LRP1B: variants seen among roughly 807,000 people sequenced by gnomAD.
LRP1B encodes the protein low-density lipoprotein receptor-related protein 1B.
A neutral mutation model predicts 556.6 loss-of-function variants in LRP1B; 217 were observed. The observed-to-expected ratio is 0.39, with a 90% CI of 0.35 to 0.44. LRP1B has a LOEUF of 0.44. Among genes scored for constraint, LRP1B ranks in the 20% least tolerant of loss-of-function variants. LRP1B has a pLI of 1.00. For synonymous variants in LRP1B, 2,047 were observed against 1,865.8 expected (o/e 1.10, Z -2.50); for missense variants, 5,053 against 5,620.8 (o/e 0.90, Z 3.23).
chr2:141,535,199 C>A (rs978272720), intron 2 of LRP1B, among the ~76,000 whole-genome samples: 25 of 152,228 alleles, frequency 1.6e-4, no homozygotes, highest in African/African-American at 6.0e-4. Flanking sequence ...CTGAGCAGAC[C>A]TCTCTGTGAC....
Position 140,779,757 on chromosome 2 carries a change from T to A in LRP1B, c.5360-3519A>T, listed in dbSNP as rs767029489. Among the ~76,000 whole-genome samples, 399 of 112,104 alleles carry A rather than the reference T, an allele frequency of 3.6e-3. 9 individuals are homozygous for A. The highest frequency in any genetic ancestry group is 0.027 in the Admixed American group (312 of 11,666). The allele number at this position is 112,104 out of a possible 152,430, so 73.5% of individuals were successfully genotyped here. A position where few individuals can be genotyped will look rare whatever the true frequency, so the allele number is the denominator to read the frequency against. On this transcript the variant is annotated intron_variant, in intron 32 of 90. Transcript: ENST00000389484. ...GTGTGTCTGTCTCTCTGTGAGAGAG[T>A]GTGTGTGTGTGTGTGTGTGTGTGTG...
intron 1 of LRP1B, among the ~76,000 whole-genome samples, chr2:141,992,166 C>G (rs2381200): frequency 0.22 from 33,102 of 151,882 alleles, 4,246 homozygotes; most frequent in East Asian, 0.32. Flanking sequence ...TCATTTATTC[C>G]CCAAATATTT....
intron 20 of LRP1B, among the ~76,000 whole-genome samples, chr2:140,945,434 C>T (rs1309850646): frequency 6.6e-6 from 1 of 152,062 alleles, no homozygotes; most frequent in African/African-American, 2.4e-5. Flanking sequence ...TAGCTAGAGG[C>T]ATCAGATTAT....
chr2:140,594,935 A>G (rs1030205051), intron 43 of LRP1B, among the ~76,000 whole-genome samples: 2 of 151,710 alleles, frequency 1.3e-5, no homozygotes, highest in East Asian at 1.9e-4. Flanking sequence ...CTTCGTAACT[A>G]TACTTTCTAT....
intron 2 of LRP1B, among the ~76,000 whole-genome samples, chr2:141,624,454 T>C (rs1231094865): frequency 1.3e-5 from 2 of 152,196 alleles, no homozygotes; most frequent in African/African-American, 4.8e-5. Context: ...TTATCTTTGT[T>C]TGGAATAGCT....
At chr2:140,245,408 A>G (rs952732190) in intron 87 of LRP1B, among the ~76,000 whole-genome samples, 2 of 151,462 alleles carry the variant, frequency 1.3e-5, no homozygotes, top group Admixed American at 1.3e-4. Context: ...TCCAAATTTC[A>G]TACACAGTCT....
chr2:141,654,982 T>C (rs1267522080), intron 2 of LRP1B, among the ~76,000 whole-genome samples: 1 of 152,026 alleles, frequency 6.6e-6, no homozygotes. Context: ...CTCTGTAGTT[T>C]TTGCAATTTA....
At chr2:141,697,290 C>T (rs1232419199) in intron 2 of LRP1B, among the ~76,000 whole-genome samples, 1 of 151,860 alleles carries the variant, frequency 6.6e-6, no homozygotes, top group South Asian at 2.1e-4. Context: ...ACTAGCTGGA[C>T]TATTAGCTAA....
intron 3 of LRP1B, among the ~76,000 whole-genome samples, chr2:141,255,533 T>G (rs2105342301): frequency 1.3e-5 from 2 of 152,218 alleles, no homozygotes; most frequent in Middle Eastern, 6.8e-3. Flanking sequence ...CATTCCAAAC[T>G]GAACATTGGG....
At chr2:140,576,416 T>A (rs1468976749) in intron 43 of LRP1B, among the ~76,000 whole-genome samples, 1 of 152,206 alleles carries the variant, frequency 6.6e-6, no homozygotes, top group Non-Finnish European at 1.5e-5. Context: ...AACTTAAAAA[T>A]GTTATCAGAA....
chr2:141,669,855 A>G (rs2105410481), intron 2 of LRP1B, among the ~76,000 whole-genome samples: 1 of 152,128 alleles, frequency 6.6e-6, no homozygotes, highest in East Asian at 1.9e-4. Flanking sequence ...CCCAGACTCA[A>G]GCGATTCTCT....
At chr2:140,640,383 CTTTTTTTTTTTTTT>C (rs70988414) in intron 41 of LRP1B, among the ~76,000 whole-genome samples, 4 of 48,464 alleles carry the variant, frequency 8.3e-5, no homozygotes, top group South Asian at 1.1e-3. Flanking sequence ...GTCCTGTTTT[CTTTTTTTTTTTTTT>C]TTTTTTTTTT....
At chr2:141,100,855 T>C (rs6746542) in intron 7 of LRP1B, among the ~76,000 whole-genome samples, 41,802 of 151,814 alleles carry the variant, frequency 0.28, 6,261 homozygotes, top group East Asian at 0.65. Context: ...AAGGCTTCCA[T>C]GATATAGTAT....
chr2:141,724,989 A>G (rs886689262), intron 2 of LRP1B, among the ~76,000 whole-genome samples: 1 of 151,942 alleles, frequency 6.6e-6, no homozygotes, highest in Admixed American at 6.6e-5. Flanking sequence ...GCCCTTCCCA[A>G]TCCCGCCTTT....
intron 11 of LRP1B, among the ~76,000 whole-genome samples, chr2:141,024,218 C>T (rs1364792485): frequency 1.3e-5 from 2 of 151,936 alleles, no homozygotes; most frequent in Admixed American, 6.6e-5. Flanking sequence ...GGTCTCTGGT[C>T]ACAGACTAAA....
intron 84 of LRP1B, among the ~76,000 whole-genome samples, chr2:140,275,821 C>G (rs1455073822): frequency 2.6e-5 from 4 of 151,918 alleles, no homozygotes; most frequent in Non-Finnish European, 5.9e-5. Flanking sequence ...ATTTTCTCAA[C>G]TAGGAAGGAA....
At chr2:142,084,305 C>T (rs1355769248) in intron 1 of LRP1B, among the ~76,000 whole-genome samples, 1 of 152,146 alleles carries the variant, frequency 6.6e-6, no homozygotes, top group African/African-American at 2.4e-5. Context: ...TCATGATTCA[C>T]GCTGCCCTGT....
chr2:141,942,393 A>ACTGC (rs57651796), intron 1 of LRP1B, among the ~76,000 whole-genome samples: 2 of 151,564 alleles, frequency 1.3e-5, no homozygotes, highest in Non-Finnish European at 3.0e-5. Flanking sequence ...TCTCTTCAAA[A>ACTGC]CTGGTTCTTG....
intron 1 of LRP1B, among the ~76,000 whole-genome samples, chr2:142,086,636 C>A (rs553519400): frequency 0.029 from 1,413 of 48,166 alleles, 32 homozygotes; most frequent in African/African-American, 0.069. Flanking sequence ...AACAAACAAA[C>A]AAACAAAAAA....
Sources: allele counts gnomAD v4.1 joint callset (sites outside exome capture counted in the v4.1 genomes callset), GRCh38; gene constraint gnomAD v4.1.1; transcripts MANE v1.5; gene names NCBI Gene and HGNC (gene_info 2026-07-23, HGNC 2026-07-21).